Variants in IK observed in about 807,000 individuals in gnomAD.
The protein encoded by IK is IK cytokine, also known as protein Red.
A neutral mutation model predicts 90.9 loss-of-function variants in IK; 47 were observed. The ratio of observed to expected loss-of-function variants is 0.52; its 90% CI spans 0.41 to 0.66. The LOEUF is 0.66. Ranked by LOEUF, IK falls within the 30% of genes least tolerant of loss-of-function variation. The pLI is 0.00. For synonymous variants in IK, 201 were observed against 227.5 expected (o/e 0.88, Z 1.05); for missense variants, 385 against 709.3 (o/e 0.54, Z 5.19).
chr5:140,659,904 C>A, intron 14 of IK, 70 bp downstream of exon 14: 6 of 1,086,304 alleles, frequency 5.5e-6, no homozygotes, highest in Non-Finnish European at 6.9e-6. Flanking sequence ...CCCCTGCCTC[C>A]CTGCTCCCTC....
intron 13 of IK, 108 bp from the exon 14 acceptor site, chr5:140,659,648 G>C: frequency 1.3e-6 from 1 of 749,558 alleles, no homozygotes; most frequent in Non-Finnish European, 2.3e-6. Flanking sequence ...TTAAAACTTT[G>C]TTAGACAAAA....
At position 140,654,406 on chromosome 5, in the gene IK, A is replaced by G. The variant is rs140732226; in HGVS notation, c.520-110A>G. ...TATAAGCTCCATTAGAGTAAGAACA[A>G]TATCTGTCATGTTTAATATTATATT... is the stretch of plus-strand genomic sequence containing the variant. On this transcript the variant is annotated intron_variant, in intron 6 of 19. Transcript: ENST00000417647. The G allele has an allele frequency of 2.3e-3, 2,030 of 866,998 alleles. 14 individuals are homozygous for G. Among genetic ancestry groups the G allele is most frequent in the Admixed American group, 9.3e-3 (359 of 38,430 alleles). 53.7% of individuals were successfully genotyped at this position (866,998 alleles called of 1,614,324 possible).
chr5:140,660,936 G>A, intron 16 of IK, 121 bp downstream of exon 16: 1 of 713,220 alleles, frequency 1.4e-6, no homozygotes. Context: ...TTTAGCTGCA[G>A]CAGTAGAAAC....
chr5:140,648,204 TC>T (rs1174457114), intron 1 of IK: 1 of 704,242 alleles, frequency 1.4e-6, no homozygotes, highest in Non-Finnish European at 2.6e-6. Flanking sequence ...CCATACTTAA[TC>T]CTGGGTTGCG....
In IK at chr5:140,648,629, C is replaced by G. The variant is rs1045298493; in HGVS notation, c.83+92C>G. On this transcript the variant is annotated intron_variant, in intron 2 of 19. Coordinates refer to ENST00000417647, the MANE Select transcript of IK (RefSeq NM_006083.4). The stretch of plus-strand genomic sequence containing the variant: ...GAAAGAATTCTGAATGTCTTGTCAT[C>G]AAGGATGGTAAAAAATTATACCCGC... 3.1e-6 allele frequency: 4 copies of G among 1,273,166 alleles called. No homozygotes were observed. In the African/African-American group the frequency reaches 5.9e-5, roughly 19 times the overall value. The allele number at this position is 1,273,166 out of a possible 1,614,324, so 78.9% of individuals were successfully genotyped here.
intron 2 of IK, 120 bp downstream of exon 2, chr5:140,648,657 G>C: frequency 1.0e-6 from 1 of 971,702 alleles, no homozygotes; most frequent in Non-Finnish European, 1.6e-6. Flanking sequence ...ATACCCGCTG[G>C]CCCTTTATCT....
chr5:140,660,289 CTTCTTT>C, intron 15 of IK, 94 bp downstream of exon 15: 4 of 282,642 alleles, frequency 1.4e-5, no homozygotes, highest in Admixed American at 5.8e-5. Context: ...CCCAGGGCTA[CTTCTTT>C]TTTTTTTTTT....
chr5:140,654,615 ATT>A (rs760741330), intron 7 of IK, 29 bp downstream of exon 7: 2 of 1,585,942 alleles, frequency 1.3e-6, no homozygotes, highest in South Asian at 2.3e-5. Context: ...AAGGTTGAGA[ATT>A]TAGAAAGGTG....
chr5:140,654,341 G>A (rs1757670126), intron 6 of IK, among the ~76,000 whole-genome samples, 175 bp from the exon 7 acceptor site: 1 of 152,130 alleles, frequency 6.6e-6, no homozygotes, highest in African/African-American at 2.4e-5. Flanking sequence ...AGCAGTTATT[G>A]TACTTTGTTG....
Position 140,661,009 on chromosome 5 carries a change from A to G in IK, c.1413+194A>G. 6.1e-6 allele frequency: 3 copies of G among 493,912 alleles called. No individual in the cohort carries two copies. The highest frequency in any genetic ancestry group is 1.1e-5 in the Non-Finnish European group (3 of 278,982). The allele number at this position is 493,912 out of a possible 1,614,324, so 30.6% of individuals were successfully genotyped here. A position where few individuals can be genotyped will look rare whatever the true frequency, so the allele number is the denominator to read the frequency against. ...GAGTCTTTGCACAAGATCAAATGAC[A>G]TAGGGTCAAAAATCTATTTTTTACT... On this transcript the variant is annotated intron_variant, in intron 16 of 19. Coordinates refer to ENST00000417647, the MANE Select transcript of IK (RefSeq NM_006083.4). The surrounding 1 kb of genome is among the most constrained non-coding windows in gnomAD (Gnocchi z 4.2).
intron 9 of IK, 53 bp downstream of exon 9, chr5:140,656,045 C>T: frequency 6.6e-7 from 1 of 1,526,346 alleles, no homozygotes; most frequent in Non-Finnish European, 8.9e-7. Context: ...GCCTGGGAAT[C>T]AGCCTGGCCT....
chr5:140,652,254 C>T, intron 4 of IK, 107 bp downstream of exon 4: 1 of 840,806 alleles, frequency 1.2e-6, no homozygotes, highest in Non-Finnish European at 2.0e-6. Context: ...TTGAGGCTCT[C>T]TACTTTCTTA....
At chr5:140,651,062 A>G (rs1209244290) in intron 2 of IK, among the ~76,000 whole-genome samples, 2 of 152,204 alleles carry the variant, frequency 1.3e-5, no homozygotes, top group Admixed American at 6.5e-5. Context: ...TTACATTCTC[A>G]TCAGCATTAT....
chr5:140,662,375 T>A lies in IK; in HGVS notation c.*46T>A, dbSNP rs4801. 1.3e-6 allele frequency: 2 copies of A among 1,597,610 alleles called. No individual in the cohort carries two copies. The highest frequency in any genetic ancestry group is 1.7e-6 in the Non-Finnish European group (2 of 1,165,748). On this transcript the variant is annotated 3_prime_UTR_variant, in exon 20 of 20. Transcript: ENST00000417647. ...TGCTCCACAAGGATATGCTCCCCAC[T>A]GTTTTCTTTCTACAATTTCCAAAGG...
chr5:140,659,427 C>T lies in IK; in HGVS notation c.1195+94C>T, dbSNP rs368424423. 24 of 1,364,492 alleles carry T rather than the reference C, an allele frequency of 1.8e-5. No homozygotes were observed. The African/African-American group carries it at 2.9e-4, about 16-fold the overall frequency. The allele number at this position is 1,364,492 out of a possible 1,614,324, so 84.5% of individuals were successfully genotyped here. On this transcript the variant is annotated intron_variant, in intron 13 of 19. Transcript: ENST00000417647. ...TGGCAACGGTGGGATTGGGGGACCT[C>T]CTGGTTCTGGGTTCTTGTAAGAACT...
intron 15 of IK, chr5:140,660,438 T>C: frequency 1.8e-6 from 1 of 543,186 alleles, no homozygotes; most frequent in Non-Finnish European, 3.3e-6. Flanking sequence ...GCTGGGATTA[T>C]AGGCATGCAT....
intron 1 of IK, 142 bp from the exon 2 acceptor site, chr5:140,648,329 C>T (rs1468808757): frequency 2.5e-6 from 2 of 801,504 alleles, no homozygotes. Flanking sequence ...TTGTAGTTTC[C>T]TATTTCAGCA....
intron 15 of IK, 97 bp downstream of exon 15, chr5:140,660,292 CTTTTTTT>C (rs200714869): frequency 3.9e-3 from 1,099 of 282,166 alleles, no homozygotes; most frequent in East Asian, 6.5e-3. Flanking sequence ...AGGGCTACTT[CTTTTTTT>C]TTTTTTTTTT....
chr5:140,657,225 A>AT (rs1387828646), intron 9 of IK, among the ~76,000 whole-genome samples: 5 of 152,226 alleles, frequency 3.3e-5, no homozygotes, highest in African/African-American at 1.2e-4. Context: ...TAAAATGTAA[A>AT]TTTTTGTCTC....
Sources: allele counts gnomAD v4.1 joint callset (sites outside exome capture counted in the v4.1 genomes callset), GRCh38; gene constraint gnomAD v4.1.1; non-coding constraint Gnocchi (gnomAD v3.1); transcripts MANE v1.5; gene names NCBI Gene and HGNC (gene_info 2026-07-23, HGNC 2026-07-21).